NCOR2: variants seen among roughly 807,000 people sequenced by gnomAD.
NCOR2 encodes the protein nuclear receptor corepressor 2.
Under a neutral mutation model 262.9 loss-of-function variants are expected in NCOR2, and 81 were observed. The ratio of observed to expected loss-of-function variants is 0.31; its 90% confidence interval spans 0.26 to 0.37. The LOEUF is 0.37. NCOR2 is among the 10% of genes least tolerant of loss of function. The probability of loss-of-function intolerance (pLI) is 1.00; values close to 1 mark genes in which losing one functional copy is unlikely to be tolerated. For synonymous variants in NCOR2, 1,659 were observed against 1,559.3 expected, an observed-to-expected ratio of 1.06 and a Z score of -1.51; for missense variants, 3,385 against 3,621.4, an observed-to-expected ratio of 0.93 and a Z score of 1.68.
intron 12 of NCOR2, among the ~76,000 whole-genome samples, chr12:124,421,132 A>C (rs1276306338): frequency 6.6e-6 from 1 of 152,264 alleles, no homozygotes; most frequent in African/African-American, 2.4e-5. Context: ...AGACGGGCAC[A>C]GACTGGCTGG....
At position 124,523,881 on chromosome 12, in the gene NCOR2, G is replaced by C. The variant is rs1304546000; in HGVS notation, c.-118+11684C>G. On this transcript the variant is annotated intron_variant, in intron 1 of 46. Transcript: ENST00000404621. This position sits in a 1 kb window ranked among gnomAD's most constrained non-coding sequence, Gnocchi z 4.0. Reference sequence around the variant, plus strand: ...GCAATGTCGGTTTTGAACTCAGCAAGTGTGAAACCCGCATCTACGACACTA... The same window carrying C: ...GCAATGTCGGTTTTGAACTCAGCAACTGTGAAACCCGCATCTACGACACTA... Among the ~76,000 whole-genome samples the C allele has an allele frequency of 6.6e-6, 1 of 152,218 alleles. No homozygotes were observed. The highest frequency in any genetic ancestry group is 2.4e-5 in the African/African-American group (1 of 41,446).
chr12:124,345,018 T>C, intron 31 of NCOR2, 67 bp from the exon 34 acceptor site: 2 of 1,368,346 alleles, frequency 1.5e-6, no homozygotes, highest in East Asian at 2.5e-5. Flanking sequence ...TGCATCCCCC[T>C]TCTGAGCCTC....
intron 37 of NCOR2, among the ~76,000 whole-genome samples, chr12:124,339,219 A>ACCAACCCC (rs1566363037): frequency 1.6e-5 from 1 of 63,316 alleles, no homozygotes. Flanking sequence ...TCTACCTACC[A>ACCAACCCC]CCCACCCACC....
At chr12:124,386,901 G>A (rs977663768) in intron 16 of NCOR2, among the ~76,000 whole-genome samples, 4 of 152,236 alleles carry the variant, frequency 2.6e-5, no homozygotes, top group Non-Finnish European at 4.4e-5. Context: ...AGTCCATGCA[G>A]GTAGGGCCTG....
chr12:124,400,125 G>A (rs1207881621), intron 15 of NCOR2, among the ~76,000 whole-genome samples: 1 of 152,154 alleles, frequency 6.6e-6, no homozygotes, highest in African/African-American at 2.4e-5. Context: ...TCCGGAACTG[G>A]TCACTGGGAA....
chr12:124,513,720 C>T (rs1426445976), intron 1 of NCOR2: 2 of 152,218 alleles, frequency 1.3e-5, no homozygotes, highest in African/African-American at 2.4e-5. Flanking sequence ...CTCACCTCGC[C>T]TTGGTCCTCA....
chr12:124,327,230 T>TG (rs1296340635), intron 45 of NCOR2, among the ~76,000 whole-genome samples, 179 bp downstream of exon 47: 1 of 151,116 alleles, frequency 6.6e-6, no homozygotes, highest in Non-Finnish European at 1.5e-5. Context: ...TACAGACACT[T>TG]GGGGGGTGTC....
chr12:124,535,915 G>A (rs935636647), upstream of NCOR2, among the ~76,000 whole-genome samples: 3 of 151,744 alleles, frequency 2.0e-5, no homozygotes, highest in Non-Finnish European at 4.4e-5. Context: ...CAAGACCACC[G>A]AGGGGCCCCG....
intron 1 of NCOR2, among the ~76,000 whole-genome samples, chr12:124,552,272 G>A (rs943239460): frequency 1.3e-5 from 2 of 151,828 alleles, no homozygotes; most frequent in East Asian, 1.9e-4. Flanking sequence ...AGTGAGCTGC[G>A]AATGGAGCTG....
intron 1 of NCOR2, among the ~76,000 whole-genome samples, chr12:124,541,975 G>C (rs1225124201): frequency 1.3e-5 from 2 of 151,446 alleles, no homozygotes; most frequent in East Asian, 3.9e-4. Context: ...CTGGCCACAG[G>C]AGGGGAGCCA....
intron 35 of NCOR2, 74 bp downstream of exon 37, chr12:124,340,528 C>T: frequency 3.9e-6 from 6 of 1,551,302 alleles, no homozygotes; most frequent in Admixed American, 1.8e-5. Flanking sequence ...GAGAGCAGGG[C>T]TTCTGCCCGC....
chr12:124,344,872 G>C (rs1402840151), exon 32 of NCOR2: 11 of 1,579,358 alleles, frequency 7.0e-6, no homozygotes, highest in Non-Finnish European at 9.5e-6. Context: ...CGTCCGGCCG[G>C]GGCTGCCGAT....
chr12:124,416,825 G>A (rs186836926), intron 13 of NCOR2, among the ~76,000 whole-genome samples: 103 of 147,184 alleles, frequency 7.0e-4, no homozygotes, highest in Middle Eastern at 3.7e-3. Flanking sequence ...TAGACCCCGC[G>A]GCACAGGGAG....
rs201462372 is a variant in NCOR2, at chr12:124,340,245, C to T, written c.5489-41G>A. 5.7e-4 allele frequency: 922 copies of T among 1,605,256 alleles called. 2 individuals carry two copies. The highest frequency in any genetic ancestry group is 1.8e-3 in the Admixed American group (106 of 59,694). On this transcript the variant is annotated intron_variant, in intron 36 of 46. Coordinates refer to ENST00000405201, the Ensembl canonical transcript of NCOR2. Reference sequence around the variant, plus strand: ...GGCATCAGCAGGGGGAGGCCTCTTGCGGCCCACAAGGAGTCCCGGAGCGGG... The same window carrying T: ...GGCATCAGCAGGGGGAGGCCTCTTGTGGCCCACAAGGAGTCCCGGAGCGGG...
At position 124,432,531 on chromosome 12, in the gene NCOR2, C is replaced by T. The variant is rs541654597; in HGVS notation, c.883-1744G>A. 1.3e-5 allele frequency among the ~76,000 whole-genome samples: 2 copies of T among 152,208 alleles called. No homozygotes were observed. The highest frequency in any genetic ancestry group is 2.9e-5 in the Non-Finnish European group (2 of 68,036). On this transcript the variant is annotated intron_variant, in intron 8 of 46. Coordinates refer to ENST00000405201, the Ensembl canonical transcript of NCOR2. The surrounding 1 kb of genome is among the most constrained non-coding windows in gnomAD (Gnocchi z 5.1). ...ACATGCGGCTGGGGCTCCGGCCGCA[C>T]CAGACAGCCCGGATGGAGCCCACTG...
At chr12:124,385,363 C>A (rs2040724072) in intron 17 of NCOR2, among the ~76,000 whole-genome samples, 1 of 152,180 alleles carries the variant, frequency 6.6e-6, no homozygotes, top group Admixed American at 6.5e-5. Context: ...GACCCATTTG[C>A]CTCCGGGTCC....
rs2041095382 is a variant in NCOR2 at position 124,389,363 on chromosome 12, G to A, written c.1877-3476C>T. On this transcript the variant is annotated intron_variant, in intron 16 of 46. Coordinates refer to ENST00000405201, the Ensembl canonical transcript of NCOR2. This position sits in a 1 kb window ranked among gnomAD's most constrained non-coding sequence, Gnocchi z 4.4. ...GACGGAGGCTCGCGGCGGGCGGGCA[G>A]GCGGGCGGGGGAGCGTGGCAGAGGC... 1.3e-5 allele frequency among the ~76,000 whole-genome samples: 2 copies of A among 152,204 alleles called. No individual in the cohort carries two copies. Among genetic ancestry groups the A allele is most frequent in the Non-Finnish European group, 2.9e-5 (2 of 68,012 alleles).
rs1366688580 is a variant in NCOR2, at chr12:124,449,878, A to G, written c.763-11T>C. 6.2e-7 allele frequency: 1 copy of G among 1,612,562 alleles called. No homozygotes were observed. The highest frequency in any genetic ancestry group is 1.1e-5 in the South Asian group (1 of 90,938). On this transcript the variant is annotated splice_polypyrimidine_tract_variant and intron_variant, in intron 6 of 46. Coordinates refer to ENST00000405201, the Ensembl canonical transcript of NCOR2. ...CTGGTTGTACAGCGGCTGCAAAGGG[A>G]GAGAGAGAAGCACATCAGAGCCTGG...
At chr12:124,545,854 G>C (rs1429175784) in intron 1 of NCOR2, among the ~76,000 whole-genome samples, 1 of 152,162 alleles carries the variant, frequency 6.6e-6, no homozygotes, top group Non-Finnish European at 1.5e-5. Context: ...GACCCTCTCT[G>C]GGCCCGGCAG....
Sources: allele counts gnomAD v4.1 joint callset (sites outside exome capture counted in the v4.1 genomes callset), GRCh38; gene constraint gnomAD v4.1.1; non-coding constraint Gnocchi (gnomAD v3.1); transcripts MANE v1.5; gene names NCBI Gene and HGNC (gene_info 2026-07-23, HGNC 2026-07-21).